TMEM217B: variants seen among roughly 807,000 people sequenced by gnomAD.
TMEM217B encodes transmembrane protein 217B.
the TMEM217B span, among the ~76,000 whole-genome samples, chr6:37,219,997 T>G: frequency 1.3e-5 from 2 of 152,184 alleles, no homozygotes; most frequent in African/African-American, 4.8e-5. Flanking sequence ...AGCCCTAGGA[T>G]AGACTAGCCT....
At chr6:37,217,710 G>C in the TMEM217B span, 1 of 985,244 alleles carries the variant, frequency 1.0e-6, no homozygotes, top group Non-Finnish European at 1.2e-6. Flanking sequence ...GGAAATCATA[G>C]CACAAACCCA....
the TMEM217B span, among the ~76,000 whole-genome samples, chr6:37,215,994 G>GGTGTGTGTGT: frequency 6.7e-5 from 10 of 149,082 alleles, no homozygotes; most frequent in South Asian, 4.2e-4. Context: ...GGTTCTTCAG[G>GGTGTGTGTGT]GTGTGTGTGT....
At chr6:37,256,965 A>T in the TMEM217B span, among the ~76,000 whole-genome samples, 3 of 152,236 alleles carry the variant, frequency 2.0e-5, no homozygotes, top group Non-Finnish European at 4.4e-5. Flanking sequence ...AATAAATTCA[A>T]GGGTGCAAGA....
the TMEM217B span, among the ~76,000 whole-genome samples, chr6:37,226,596 C>A: frequency 2.0e-5 from 3 of 148,622 alleles, no homozygotes; most frequent in African/African-American, 5.0e-5. Flanking sequence ...TGCGCCCGGC[C>A]GAGACAGAGT....
chr6:37,228,785 C>G, the TMEM217B span, among the ~76,000 whole-genome samples: 1 of 151,880 alleles, frequency 6.6e-6, no homozygotes, highest in African/African-American at 2.4e-5. Flanking sequence ...ATCACAAGGT[C>G]AGGAGATCGA....
chr6:37,251,855 T>C, the TMEM217B span, among the ~76,000 whole-genome samples: 1 of 152,264 alleles, frequency 6.6e-6, no homozygotes, highest in African/African-American at 2.4e-5. Context: ...TCTGGTATGC[T>C]ATTTTTATAT....
the TMEM217B span, chr6:37,217,520 G>A: frequency 5.6e-6 from 3 of 535,986 alleles, no homozygotes; most frequent in African/African-American, 6.2e-5. Flanking sequence ...TCACACTACA[G>A]AGTACAGCAC....
the TMEM217B span, among the ~76,000 whole-genome samples, chr6:37,244,375 AC>A: frequency 6.6e-6 from 1 of 152,230 alleles, no homozygotes; most frequent in Admixed American, 6.5e-5. Flanking sequence ...AACTTCTTTC[AC>A]ATGAGGGAGA....
At chr6:37,237,089 A>G in the TMEM217B span, among the ~76,000 whole-genome samples, 1 of 152,104 alleles carries the variant, frequency 6.6e-6, no homozygotes, top group Non-Finnish European at 1.5e-5. Context: ...CCATAGCAAC[A>G]CGTTTCCTGG....
chr6:37,249,938 G>A, the TMEM217B span, among the ~76,000 whole-genome samples: 1 of 152,272 alleles, frequency 6.6e-6, no homozygotes. Flanking sequence ...GTTCACTTAT[G>A]CAGAAGACAC....
the TMEM217B span, among the ~76,000 whole-genome samples, chr6:37,248,175 C>T: frequency 6.6e-6 from 1 of 152,080 alleles, no homozygotes; most frequent in South Asian, 2.1e-4. Context: ...ATAGTATACA[C>T]CTCCATTTTT....
chr6:37,256,010 T>C, the TMEM217B span, among the ~76,000 whole-genome samples: 1 of 152,196 alleles, frequency 6.6e-6, no homozygotes, highest in Non-Finnish European at 1.5e-5. Context: ...TAACATTTCA[T>C]AGAAGATTAA....
the TMEM217B span, among the ~76,000 whole-genome samples, chr6:37,216,823 G>A: frequency 6.6e-6 from 1 of 152,162 alleles, no homozygotes; most frequent in Non-Finnish European, 1.5e-5. Flanking sequence ...GGGACAGGAG[G>A]GAACTAGCTA....
At chr6:37,212,276 C>T in the TMEM217B span, 12 of 350,958 alleles carry the variant, frequency 3.4e-5, no homozygotes, top group African/African-American at 2.6e-4. Flanking sequence ...CCTGCCCTCT[C>T]CCGAGAATCA....
the TMEM217B span, among the ~76,000 whole-genome samples, chr6:37,255,294 G>C: frequency 2.6e-4 from 40 of 152,254 alleles, no homozygotes; most frequent in African/African-American, 8.9e-4. Context: ...AGTCATGTAG[G>C]GTCTTTAAGG....
At chr6:37,245,789 T>C in the TMEM217B span, among the ~76,000 whole-genome samples, 5 of 96,590 alleles carry the variant, frequency 5.2e-5, no homozygotes, top group African/African-American at 2.6e-4. Flanking sequence ...TTTTCTTTTC[T>C]TTCTTTCTTT....
the TMEM217B span, among the ~76,000 whole-genome samples, chr6:37,246,640 C>T: frequency 3.4e-3 from 519 of 152,260 alleles, 2 homozygotes; most frequent in African/African-American, 0.011. Context: ...TGGTGGTTCA[C>T]GTCTGTAACC....
chr6:37,256,753 G>T, the TMEM217B span, among the ~76,000 whole-genome samples: 1 of 137,664 alleles, frequency 7.3e-6, no homozygotes, highest in South Asian at 2.8e-4. Context: ...GGTGGGGGTG[G>T]GGGTGGGGGA....
At chr6:37,247,576 T>C in the TMEM217B span, among the ~76,000 whole-genome samples, 2 of 151,968 alleles carry the variant, frequency 1.3e-5, no homozygotes, top group East Asian at 3.9e-4. Context: ...TTGGTAGAGA[T>C]GGGGTTTCAC....
Sources: gnomAD v4.1 joint callset for allele counts (sites outside exome capture counted in the v4.1 genomes callset) on GRCh38, gnomAD v4.1.1 for gene constraint, MANE v1.5 for transcripts, NCBI Gene and HGNC (gene_info 2026-07-23, HGNC 2026-07-21) for gene names.